Variants in BBX observed in about 807,000 individuals in gnomAD.
BBX encodes HMG box transcription factor BBX.
BBX carries 30 observed loss-of-function variants against 100.2 expected under a neutral mutation model. The ratio of observed to expected loss-of-function variants is 0.30; its 90% CI spans 0.22 to 0.41. The LOEUF (loss-of-function observed/expected upper bound fraction) is 0.41. Among genes scored for constraint, BBX ranks in the 10% least tolerant of loss-of-function variants. The probability of loss-of-function intolerance (pLI) is 1.00; values close to 1 mark genes in which losing one functional copy is unlikely to be tolerated. For synonymous variants in BBX, 376 were observed against 388.1 expected, an observed-to-expected ratio of 0.97 and a Z score of 0.37; for missense variants, 1,023 against 1,129.8, an observed-to-expected ratio of 0.91 and a Z score of 1.35.
intron 2 of BBX, among the ~76,000 whole-genome samples, chr3:107,628,553 C>T (rs114511906): frequency 0.011 from 1,598 of 151,928 alleles, 10 homozygotes; most frequent in Non-Finnish European, 0.018. Flanking sequence ...TATGAGGAAA[C>T]CTTTTTTTAA....
At chr3:107,768,418 A>C (rs1317157666) in intron 10 of BBX, among the ~76,000 whole-genome samples, 1 of 152,224 alleles carries the variant, frequency 6.6e-6, no homozygotes, top group Non-Finnish European at 1.5e-5. Context: ...AAGTTTATTA[A>C]TGTTCAAATC....
At chr3:107,786,912 T>A (rs1317319968) in intron 13 of BBX, among the ~76,000 whole-genome samples, 4 of 152,182 alleles carry the variant, frequency 2.6e-5, no homozygotes, top group African/African-American at 9.7e-5. Context: ...AACTTTTATC[T>A]AGACTGTATA....
chr3:107,724,101 T>G (rs1409688758), intron 5 of BBX, among the ~76,000 whole-genome samples: 1 of 152,208 alleles, frequency 6.6e-6, no homozygotes, highest in Non-Finnish European at 1.5e-5. Flanking sequence ...ATGATTGCCA[T>G]TGTAACTGGT....
At position 107,525,879 on chromosome 3, in the gene BBX, G is replaced by A. The variant is rs571307403; in HGVS notation, c.-155-448G>A. On this transcript the variant is annotated intron_variant, in intron 1 of 17. Coordinates refer to ENST00000325805, the MANE Select transcript of BBX (RefSeq NM_001142568.3). Reference sequence around the variant, plus strand: ...GGCTTCGATACCTGGACCCGCTGCCGCCGCGGTGGCACCTCCCGCCGTCTC... The same window carrying A: ...GGCTTCGATACCTGGACCCGCTGCCACCGCGGTGGCACCTCCCGCCGTCTC... 3.3e-5 allele frequency among the ~76,000 whole-genome samples: 5 copies of A among 152,334 alleles called. No individual in the cohort carries two copies. In the East Asian group the frequency reaches 5.8e-4, roughly 18 times the overall value.
chr3:107,644,546 A>G (rs1194941631), intron 2 of BBX, among the ~76,000 whole-genome samples: 2 of 152,180 alleles, frequency 1.3e-5, no homozygotes, highest in Non-Finnish European at 2.9e-5. Context: ...TTTGATATTT[A>G]TATGTTGCCT....
At chr3:107,699,197 CA>C (rs1239224105) in intron 3 of BBX, among the ~76,000 whole-genome samples, 2 of 151,722 alleles carry the variant, frequency 1.3e-5, no homozygotes, top group Non-Finnish European at 2.9e-5. Context: ...ACACCTCTCT[CA>C]GACTTGAAAG....
intron 4 of BBX, among the ~76,000 whole-genome samples, chr3:107,713,260 C>T (rs990276925): frequency 1.3e-5 from 2 of 152,208 alleles, no homozygotes; most frequent in Non-Finnish European, 2.9e-5. Context: ...GCCTAGATTT[C>T]AGCCCTATCC....
intron 8 of BBX, 80 bp downstream of exon 8, chr3:107,744,790 A>G: frequency 1.7e-6 from 2 of 1,146,988 alleles, no homozygotes; most frequent in Non-Finnish European, 2.6e-6. Flanking sequence ...AGTAACTGAA[A>G]GCAATGAAGA....
intron 7 of BBX, among the ~76,000 whole-genome samples, chr3:107,739,847 G>A (rs936374291): frequency 2.0e-5 from 3 of 152,170 alleles, no homozygotes; most frequent in South Asian, 4.1e-4. Flanking sequence ...ATCAAATGAG[G>A]AAACTGAGGC....
chr3:107,803,937 A>G (rs1576899498), intron 17 of BBX, among the ~76,000 whole-genome samples: 2 of 117,228 alleles, frequency 1.7e-5, no homozygotes, highest in South Asian at 6.6e-4. Flanking sequence ...TTTACATTGC[A>G]CTTTTCATCT....
intron 17 of BBX, among the ~76,000 whole-genome samples, chr3:107,803,394 T>G (rs911219455): frequency 6.6e-6 from 1 of 152,180 alleles, no homozygotes; most frequent in Non-Finnish European, 1.5e-5. Context: ...CTCACTGTTA[T>G]TGAACCTGGG....
chr3:107,773,631 A>G lies in BBX; in HGVS notation c.1910A>G (p.Asp637Gly). Residue 637 changes from aspartate (D) to glycine (G), a missense_variant, in exon 11 of 18, where the codon GAC becomes GGC. Physicochemically the swap from Asp to Gly is moderately conservative, Grantham distance 94. Around this residue, in one of 9 missense-constraint regions of BBX, gnomAD observed 215 missense variants for 211.3 expected, o/e 1.02. Transcript: ENST00000325805. The surrounding 1 kb of genome is among the most constrained non-coding windows in gnomAD (Gnocchi z 4.1). ...CTCACCTCTCTGCGAGCTAATGTTG[A>G]CAGAGGTAAGTAACTTCTACAAACC... ...GMLTSLRANV[D>G]RGKRSSGKGN... 6.2e-7 allele frequency: 1 copy of G among 1,606,658 alleles called. No individual in the cohort carries two copies. The highest frequency in any genetic ancestry group is 8.5e-7 in the Non-Finnish European group (1 of 1,177,282).
At chr3:107,786,283 C>G (rs1219636242) in intron 13 of BBX, among the ~76,000 whole-genome samples, 1 of 152,070 alleles carries the variant, frequency 6.6e-6, no homozygotes, top group Non-Finnish European at 1.5e-5. Flanking sequence ...TCTTAGAATC[C>G]CAGCTGACTT....
chr3:107,784,757 A>G (rs1354085120), intron 13 of BBX, among the ~76,000 whole-genome samples: 1 of 151,920 alleles, frequency 6.6e-6, no homozygotes, highest in Non-Finnish European at 1.5e-5. Context: ...CTCAAAAAAG[A>G]AGAGTAAACC....
chr3:107,547,663 A>G (rs1362511196), intron 2 of BBX, among the ~76,000 whole-genome samples: 1 of 152,146 alleles, frequency 6.6e-6, no homozygotes. Flanking sequence ...GTACTTTCAG[A>G]TATCTCACTT....
At chr3:107,771,310 T>C (rs1361787530) in intron 10 of BBX, among the ~76,000 whole-genome samples, 1 of 152,196 alleles carries the variant, frequency 6.6e-6, no homozygotes, top group Non-Finnish European at 1.5e-5. Flanking sequence ...AAATTTCCCA[T>C]TTTAAAAAAT....
At chr3:107,640,284 T>G (rs1388483675) in intron 2 of BBX, among the ~76,000 whole-genome samples, 1 of 152,172 alleles carries the variant, frequency 6.6e-6, no homozygotes. Flanking sequence ...TGCTTTCTCA[T>G]TTGCCCACAT....
intron 10 of BBX, among the ~76,000 whole-genome samples, chr3:107,769,372 A>G (rs1446351134): frequency 1.3e-5 from 2 of 152,140 alleles, no homozygotes; most frequent in Non-Finnish European, 2.9e-5. Flanking sequence ...CAACAGCCCA[A>G]TGTAGGATGT....
intron 2 of BBX, among the ~76,000 whole-genome samples, chr3:107,632,977 A>G (rs1576091600): frequency 6.6e-6 from 1 of 152,188 alleles, no homozygotes; most frequent in Non-Finnish European, 1.5e-5. Context: ...CAAAAGTAAA[A>G]CAAAACTGAT....
Sources: gnomAD v4.1 joint callset for allele counts (sites outside exome capture counted in the v4.1 genomes callset) on GRCh38, gnomAD v4.1.1 for gene constraint, gnomAD v4.1.1 regional missense constraint, Gnocchi (gnomAD v3.1) non-coding constraint, MANE v1.5 for transcripts, NCBI Gene and HGNC (gene_info 2026-07-23, HGNC 2026-07-21) for gene names.